The following ARHGEF10L variants were observed in gnomAD, a reference collection of about 807,000 sequenced individuals.
The protein encoded by ARHGEF10L is Rho guanine nucleotide exchange factor 10 like.
A neutral mutation model predicts 141.2 loss-of-function variants in ARHGEF10L; 69 were observed. That is an observed-to-expected ratio of 0.49 (90% confidence interval 0.40 to 0.60). ARHGEF10L has a LOEUF of 0.60. ARHGEF10L is among the 20% of genes least tolerant of loss of function. ARHGEF10L has a pLI of 0.00. For synonymous variants in ARHGEF10L, 711 were observed against 718.5 expected (o/e 0.99, Z 0.17); for missense variants, 1,482 against 1,734.3 (o/e 0.85, Z 2.58).
chr1:17,600,694 T>C (rs1297838391), intron 4 of ARHGEF10L, among the ~76,000 whole-genome samples: 1 of 152,194 alleles, frequency 6.6e-6, no homozygotes, highest in Non-Finnish European at 1.5e-5. Flanking sequence ...CATGTCTCTG[T>C]AGCCTGCTCC....
At position 17,697,552 on chromosome 1, in the gene ARHGEF10L, T is replaced by C; in HGVS notation, c.*172T>C. 1 of 885,402 alleles carries C rather than the reference T, an allele frequency of 1.1e-6. No individual in the cohort carries two copies. Among genetic ancestry groups the C allele is most frequent in the Non-Finnish European group, 1.7e-6 (1 of 583,832 alleles). The allele number at this position is 885,402 out of a possible 1,614,324, so 54.8% of individuals were successfully genotyped here. On this transcript the variant is annotated 3_prime_UTR_variant, in exon 29 of 29. Coordinates refer to ENST00000361221, the MANE Select transcript of ARHGEF10L (RefSeq NM_018125.4). The surrounding 1 kb of genome is among the most constrained non-coding windows in gnomAD (Gnocchi z 4.8). ...TTAAAAAAATTTTTTTCAGAGTGTT[T>C]TGGGGAGGAGTTTTAGGGCTTGGGG...
intron 26 of ARHGEF10L, among the ~76,000 whole-genome samples, chr1:17,681,076 C>T (rs923557702): frequency 5.3e-5 from 8 of 152,134 alleles, no homozygotes; most frequent in Non-Finnish European, 1.0e-4. Context: ...CCTGGTCCCC[C>T]ATAACTTTTT....
chr1:17,628,279 G>A (rs760573048), intron 15 of ARHGEF10L, among the ~76,000 whole-genome samples: 6 of 152,208 alleles, frequency 3.9e-5, no homozygotes, highest in Admixed American at 6.5e-5. Context: ...GCAGTGAACC[G>A]AGATTGTGCC....
At chr1:17,685,554 T>C (rs897670733) in intron 26 of ARHGEF10L, among the ~76,000 whole-genome samples, 1 of 152,262 alleles carries the variant, frequency 6.6e-6, no homozygotes, top group Non-Finnish European at 1.5e-5. Flanking sequence ...TTCAGTATTT[T>C]TTCTGTGCAG....
At chr1:17,610,168 T>C (rs2059472259) in intron 7 of ARHGEF10L, among the ~76,000 whole-genome samples, 1 of 152,170 alleles carries the variant, frequency 6.6e-6, no homozygotes, top group African/African-American at 2.4e-5. Context: ...ACCACATGGG[T>C]AACTGATTGA....
At chr1:17,602,102 C>T in intron 4 of ARHGEF10L, 25 bp from the exon 5 acceptor site, 1 of 1,538,664 alleles carries the variant, frequency 6.5e-7, no homozygotes, top group Non-Finnish European at 8.8e-7. Context: ...CTGGACACCT[C>T]TGCAGTGCCA....
At chr1:17,595,499 C>T (rs79393651) in intron 4 of ARHGEF10L, among the ~76,000 whole-genome samples, 3,761 of 152,220 alleles carry the variant, frequency 0.025, 150 homozygotes, top group African/African-American at 0.086. Context: ...GACGCTCACT[C>T]CCTGCTGAGG....
chr1:17,572,854 G>A (rs896116832), intron 1 of ARHGEF10L, among the ~76,000 whole-genome samples: 6 of 152,064 alleles, frequency 3.9e-5, no homozygotes, highest in Non-Finnish European at 7.4e-5. Flanking sequence ...GGTGAACTGG[G>A]GTCACAGATT....
At position 17,602,140 on chromosome 1, in the gene ARHGEF10L, G is replaced by T; in HGVS notation, c.271G>T (p.Val91Leu). 6.4e-7 allele frequency: 1 copy of T among 1,574,148 alleles called. No individual in the cohort carries two copies. Residue 91 changes from valine (V) to leucine (L), a missense_variant, in exon 5 of 29, where the codon GTG becomes TTG. Around this residue, in one of 3 missense-constraint regions of ARHGEF10L, gnomAD observed 232 missense variants for 225.9 expected, o/e 1.03. Transcript: ENST00000361221. ...APPGTGVPAW[V>L]SNGDAADAAF... ...TCTTGCCCGCAGGGTGCCAGCCTGG[G>T]TGAGCAATGGGGATGCAGCGGACGC...
Position 17,632,336 on chromosome 1 carries a change from C to T in ARHGEF10L, c.1600C>T (p.Gln534Ter), listed in dbSNP as rs868849987. 6.2e-7 allele frequency: 1 copy of T among 1,614,096 alleles called. No homozygotes were observed. The highest frequency in any genetic ancestry group is 8.5e-7 in the Non-Finnish European group (1 of 1,180,022). Residue 534 changes from glutamine (Q) to a stop codon, truncating the protein, a stop_gained, in exon 16 of 29, where the codon CAG (glutamine) becomes TAG (stop). Transcript: ENST00000361221. LOFTEE classifies it high-confidence loss of function. ...SSLNKLLTSG[Q>*]RQLLLCETLT... ...CCTCCTCCAGCTGTTGACCTCAGGC[C>T]AGCGGCAGCTGCTCCTGTGTGAGAC...
chr1:17,552,376 C>G lies in ARHGEF10L; in HGVS notation c.-44+12426C>G, dbSNP rs756813772. ...CTGTAGGCCTGAAGTGTGCCAGGTA[C>G]CACGCATGATCTTGTTTCAATCTAT... On this transcript the variant is annotated intron_variant, in intron 1 of 28. Transcript: ENST00000361221. Among the ~76,000 whole-genome samples the G allele has an allele frequency of 8.6e-5, 13 of 151,944 alleles. 1 individual carries two copies. The highest frequency in any genetic ancestry group is 1.6e-4 in the Non-Finnish European group (11 of 67,986).
At chr1:17,523,343 C>T in the ARHGEF10L span, among the ~76,000 whole-genome samples, 1 of 152,120 alleles carries the variant, frequency 6.6e-6, no homozygotes, top group Non-Finnish European at 1.5e-5. Context: ...CCCGCCTTGG[C>T]CTCCTAAAGT....
intron 10 of ARHGEF10L, among the ~76,000 whole-genome samples, chr1:17,620,440 C>G (rs953658598): frequency 3.9e-5 from 6 of 152,210 alleles, no homozygotes; most frequent in African/African-American, 1.2e-4. Context: ...AGGCACGGGA[C>G]AGCCCCACTA....
chr1:17,628,523 G>C (rs558083462), intron 15 of ARHGEF10L, among the ~76,000 whole-genome samples: 3 of 152,222 alleles, frequency 2.0e-5, no homozygotes, highest in Admixed American at 6.5e-5. Context: ...CAGCCCCCCT[G>C]TTCACCTACT....
Position 17,639,835 on chromosome 1 carries a change from C to T in ARHGEF10L, c.2172-367C>T. On this transcript the variant is annotated intron_variant, in intron 20 of 28. Coordinates refer to ENST00000361221, the MANE Select transcript of ARHGEF10L (RefSeq NM_018125.4). The surrounding 1 kb of genome is among the most constrained non-coding windows in gnomAD (Gnocchi z 4.3). ...TGAGACCCATTCCTCCCTCTAGAGG[C>T]ACGTGGTCAGACATGTAAGGTGTCT... is the stretch of plus-strand genomic sequence containing the variant. 7.5e-7 allele frequency: 1 copy of T among 1,341,886 alleles called. No individual in the cohort carries two copies. Among genetic ancestry groups the T allele is most frequent in the Non-Finnish European group, 9.8e-7 (1 of 1,023,230 alleles). The allele number at this position is 1,341,886 out of a possible 1,614,324, so 83.1% of individuals were successfully genotyped here. A position where few individuals can be genotyped will look rare whatever the true frequency, so the allele number is the denominator to read the frequency against.
At chr1:17,555,837 C>A (rs34331297) in intron 1 of ARHGEF10L, among the ~76,000 whole-genome samples, 1 of 151,998 alleles carries the variant, frequency 6.6e-6, no homozygotes, top group Non-Finnish European at 1.5e-5. Context: ...TGCTTTACAG[C>A]GGGAGCCTTC....
intron 17 of ARHGEF10L, 66 bp from the exon 18 acceptor site, chr1:17,634,769 C>A: frequency 7.9e-6 from 12 of 1,518,840 alleles, no homozygotes; most frequent in South Asian, 1.3e-5. Flanking sequence ...GGAGCAATGC[C>A]CTGGGCCAGC....
rs762789268 is a variant in ARHGEF10L, at chr1:17,627,328, A to G, written c.1411-2A>G. On this transcript the variant is annotated splice_acceptor_variant, in intron 14 of 28. Transcript: ENST00000361221. LOFTEE classifies it high-confidence loss of function. This position sits in a 1 kb window ranked among gnomAD's most constrained non-coding sequence, Gnocchi z 4.0. ...TGCTCAGTCTCTGCTCTGACCTGGC[A>G]GGACATGCTGAAGAACACCCCCAGG... The G allele has an allele frequency of 1.2e-6, 2 of 1,613,414 alleles. No individual in the cohort carries two copies. Among genetic ancestry groups the G allele is most frequent in the Non-Finnish European group, 1.7e-6 (2 of 1,179,534 alleles).
chr1:17,681,417 G>A (rs555690443), intron 26 of ARHGEF10L, among the ~76,000 whole-genome samples: 1 of 152,238 alleles, frequency 6.6e-6, no homozygotes, highest in Non-Finnish European at 1.5e-5. Context: ...TGCCATCCAG[G>A]ATCCAGCCTG....
Sources: gnomAD v4.1 joint callset for allele counts (sites outside exome capture counted in the v4.1 genomes callset) on GRCh38, gnomAD v4.1.1 for gene constraint, gnomAD v4.1.1 regional missense constraint, Gnocchi (gnomAD v3.1) non-coding constraint, MANE v1.5 for transcripts, NCBI Gene and HGNC (gene_info 2026-07-23, HGNC 2026-07-21) for gene names.